Variants in P4HA3 observed in about 807,000 individuals in gnomAD.
P4HA3 encodes the protein prolyl 4-hydroxylase subunit alpha-3.
In P4HA3, 60 loss-of-function variants were observed where a neutral mutation model predicts 66.7. The observed-to-expected ratio is 0.90, with a 90% confidence interval of 0.73 to 1.12. P4HA3 has a LOEUF of 1.12. Among genes scored for constraint, P4HA3 ranks in the 50% most tolerant of loss-of-function variants. The pLI is 0.00. For synonymous variants in P4HA3, 263 were observed against 274.6 expected, an observed-to-expected ratio of 0.96 and a Z score of 0.42; for missense variants, 683 against 685.8, an observed-to-expected ratio of 1.00 and a Z score of 0.05.
chr11:74,251,428 A>C, intron 15 of P4HA3: 1 of 1,399,416 alleles, frequency 7.1e-7, no homozygotes, highest in Non-Finnish European at 9.3e-7. Context: ...CCTTCACGTC[A>C]TTCCTCTTGA....
In P4HA3 at chr11:74,267,208, G is replaced by C; in HGVS notation, c.*40C>G. ...CAGCTTTTGGCTCCTGGCTTCTCTGGAAAGCCACAGGACTCCACCAGCTTC... is the reference window on the plus strand; with the variant it reads ...CAGCTTTTGGCTCCTGGCTTCTCTGCAAAGCCACAGGACTCCACCAGCTTC... On this transcript the variant is annotated 3_prime_UTR_variant, in exon 13 of 13. Coordinates refer to ENST00000331597, the MANE Select transcript of P4HA3 (RefSeq NM_182904.5). 6.2e-7 allele frequency: 1 copy of C among 1,613,596 alleles called. No homozygotes were observed. The highest frequency in any genetic ancestry group is 8.5e-7 in the Non-Finnish European group (1 of 1,179,962).
chr11:74,294,235 G>A (rs997771151), intron 4 of P4HA3, among the ~76,000 whole-genome samples: 1 of 151,316 alleles, frequency 6.6e-6, no homozygotes, highest in African/African-American at 2.4e-5. Flanking sequence ...CCAGTTGATT[G>A]CATCGGCTAC....
At chr11:74,298,138 T>C in intron 4 of P4HA3, 74 bp downstream of exon 4, 2 of 1,522,380 alleles carry the variant, frequency 1.3e-6, no homozygotes, top group South Asian at 2.6e-5. Context: ...ATGAAAATAC[T>C]TAGAAATTGT....
Position 74,269,672 on chromosome 11 carries a change from G to A in P4HA3, c.1447C>T (p.Leu483Phe). The A allele has an allele frequency of 6.2e-7, 1 of 1,613,912 alleles. No homozygotes were observed. The highest frequency in any genetic ancestry group is 1.7e-4 in the Middle Eastern group (1 of 6,060). ...GGATAFIYAN[L>F]SVPVVRNAAL... ...CTCACCCTAACCACAGGCACGCTGA[G>A]GTTGGCATAGATGAAGGCTGTGGCT... Residue 483 changes from leucine to phenylalanine, a missense_variant, in exon 11 of 13, where the codon CTC becomes TTC. Coordinates refer to ENST00000331597, the MANE Select transcript of P4HA3 (RefSeq NM_182904.5).
chr11:74,278,118 G>T (rs1191248054), intron 8 of P4HA3, among the ~76,000 whole-genome samples: 1 of 152,168 alleles, frequency 6.6e-6, no homozygotes, highest in Non-Finnish European at 1.5e-5. Flanking sequence ...TTAAAGTGCT[G>T]GGAAGCACAG....
At position 74,304,284 on chromosome 11, in the gene P4HA3, C is replaced by T. The variant is rs1861508538; in HGVS notation, c.329G>A (p.Ser110Asn). The T allele has an allele frequency of 6.2e-7, 1 of 1,613,900 alleles. No individual in the cohort carries two copies. Among genetic ancestry groups the T allele is most frequent in the East Asian group, 2.2e-5 (1 of 44,880 alleles). ...CTCCTCATTACCTCGGATGTTCTCA[C>T]TGGCCTCCAGACTATGTACCACATT... The part of the protein sequence containing the change: ...WRNVVHSLEA[S>N]ENIRALKDGY... The change falls in exon 2 of 13, where the codon AGT becomes AAT. Residue 110 changes from serine to asparagine, a missense_variant. Physicochemically the swap from Ser to Asn is conservative, Grantham distance 46 (BLOSUM62 1). Transcript: ENST00000331597.
chr11:74,304,193 C>T (rs1861504625), intron 2 of P4HA3, 77 bp downstream of exon 2: 6 of 1,549,156 alleles, frequency 3.9e-6, no homozygotes, highest in Non-Finnish European at 5.3e-6. Context: ...AATCACATCC[C>T]AACAGAATCT....
At chr11:74,276,450 G>A (rs1476192172) in intron 9 of P4HA3, among the ~76,000 whole-genome samples, 2 of 151,950 alleles carry the variant, frequency 1.3e-5, no homozygotes, top group Admixed American at 6.6e-5. Context: ...CTACTTGGGA[G>A]GCTGAGATGG....
At chr11:74,298,387 C>T (rs1565419846) in intron 3 of P4HA3, 26 bp from the exon 4 acceptor site, 2 of 1,604,288 alleles carry the variant, frequency 1.2e-6, no homozygotes, top group East Asian at 4.5e-5. Flanking sequence ...GTACCATCGC[C>T]AAAGCCTTAT....
intron 3 of P4HA3, among the ~76,000 whole-genome samples, chr11:74,300,865 C>A (rs1266459171): frequency 6.6e-6 from 1 of 152,138 alleles, no homozygotes; most frequent in African/African-American, 2.4e-5. Flanking sequence ...TAGAAGCAAT[C>A]CAAGAATCTG....
intron 7 of P4HA3, among the ~76,000 whole-genome samples, chr11:74,281,573 A>G (rs1359045189): frequency 6.6e-6 from 1 of 152,130 alleles, no homozygotes; most frequent in Non-Finnish European, 1.5e-5. Context: ...TGTCCTTTGT[A>G]GGGACATGGA....
At chr11:74,272,001 C>T (rs1206486582) in intron 10 of P4HA3, among the ~76,000 whole-genome samples, 1 of 152,106 alleles carries the variant, frequency 6.6e-6, no homozygotes, top group Non-Finnish European at 1.5e-5. Flanking sequence ...CTCATCAGAC[C>T]CTCACAACAA....
chr11:74,252,989 C>T (rs1006765871), intron 15 of P4HA3, among the ~76,000 whole-genome samples: 1 of 152,218 alleles, frequency 6.6e-6, no homozygotes, highest in Non-Finnish European at 1.5e-5. Context: ...ATTGAAAAGT[C>T]TCTTCTCTGA....
rs908915965 is a variant in P4HA3 at position 74,296,136 on chromosome 11, C to T, written c.717+2076G>A. Among the ~76,000 whole-genome samples the T allele has an allele frequency of 9.2e-5, 14 of 152,286 alleles. No homozygotes were observed. In the Middle Eastern group the frequency reaches 0.01, roughly 111 times the overall value. On this transcript the variant is annotated intron_variant, in intron 4 of 12. Transcript: ENST00000331597. ...TCCAGTAAGTAGCATGTGCCACGCACGCATTCTGTTAAGGGCTTTGCCTGT... is the reference window on the plus strand; with the variant it reads ...TCCAGTAAGTAGCATGTGCCACGCATGCATTCTGTTAAGGGCTTTGCCTGT...
At chr11:74,306,357 C>A (rs1444475022) in intron 1 of P4HA3, among the ~76,000 whole-genome samples, 1 of 152,130 alleles carries the variant, frequency 6.6e-6, no homozygotes, top group Non-Finnish European at 1.5e-5. Context: ...TCCTAGTATA[C>A]TCTGGTTAAT....
chr11:74,273,124 C>T (rs1860263543), intron 10 of P4HA3, among the ~76,000 whole-genome samples: 1 of 152,136 alleles, frequency 6.6e-6, no homozygotes, highest in Middle Eastern at 3.2e-3. Flanking sequence ...AATCTGCTGC[C>T]TCATTCCTCA....
At chr11:74,299,379 G>T (rs558355050) in intron 3 of P4HA3, among the ~76,000 whole-genome samples, 8 of 152,262 alleles carry the variant, frequency 5.3e-5, no homozygotes, top group Admixed American at 1.3e-4. Flanking sequence ...AAAAATCCTA[G>T]AGATATTGCA....
Position 74,275,161 on chromosome 11 carries a change from A to G in P4HA3, c.1336-1554T>C, listed in dbSNP as rs550232920. Among the ~76,000 whole-genome samples the G allele has an allele frequency of 1.2e-4, 18 of 152,274 alleles. No individual in the cohort carries two copies. In the South Asian group the frequency reaches 3.1e-3, roughly 26 times the overall value. ...CCTTTTCTAATGATGTTTTTTGAAA[A>G]GCAAAGAATTTTAATTTGATAAGGT... On this transcript the variant is annotated intron_variant, in intron 9 of 12. Coordinates refer to ENST00000331597, the MANE Select transcript of P4HA3 (RefSeq NM_182904.5).
At chr11:74,283,660 A>G (rs1860684245) in intron 7 of P4HA3, among the ~76,000 whole-genome samples, 1 of 152,116 alleles carries the variant, frequency 6.6e-6, no homozygotes, top group Admixed American at 6.5e-5. Context: ...TCTCGCCCCC[A>G]TCCCTTGCAC....
Sources: gnomAD v4.1 joint callset for allele counts (sites outside exome capture counted in the v4.1 genomes callset) on GRCh38, gnomAD v4.1.1 for gene constraint, MANE v1.5 for transcripts, NCBI Gene and HGNC (gene_info 2026-07-23, HGNC 2026-07-21) for gene names.